EVC2: variants seen among roughly 807,000 people sequenced by gnomAD.
EVC2 encodes EvC ciliary complex subunit 2, also known as limbin.
EVC2 carries 148 observed loss-of-function variants against 149.3 expected under a neutral mutation model. That is an observed-to-expected ratio of 0.99 (90% confidence interval 0.87 to 1.14). EVC2 has a LOEUF of 1.14. EVC2 is among the 50% of genes most tolerant of loss of function. The pLI is 0.00. For missense variants in EVC2, 1,854 were observed against 1,627.3 expected, an observed-to-expected ratio of 1.14 and a Z score of -2.40; for synonymous variants, 776 against 649.9, an observed-to-expected ratio of 1.19 and a Z score of -2.95.
chr4:5,591,874 T>A lies in EVC2; in HGVS notation c.2830-7024A>T, dbSNP rs535133871. On this transcript the variant is annotated intron_variant, in intron 16 of 21. Transcript: ENST00000344408. ...ATACAAATTCATTTGCAAAATGATA[T>A]GCTGCTAAATACTCTTTAAACGAGA... 2.6e-4 allele frequency among the ~76,000 whole-genome samples: 40 copies of A among 152,356 alleles called. 1 individual carries two copies. Among genetic ancestry groups the A allele is most frequent in the Middle Eastern group, 3.4e-3 (1 of 294 alleles).
intron 10 of EVC2, among the ~76,000 whole-genome samples, chr4:5,635,822 CG>C (rs2108856705): frequency 6.6e-6 from 1 of 152,256 alleles, no homozygotes; most frequent in South Asian, 2.1e-4. Context: ...AGAAAAGCAG[CG>C]GGGAGAGCCT....
At chr4:5,675,579 T>A (rs766353410) in intron 7 of EVC2, among the ~76,000 whole-genome samples, 5 of 152,232 alleles carry the variant, frequency 3.3e-5, no homozygotes, top group Non-Finnish European at 7.3e-5. Flanking sequence ...AACCTTCCCA[T>A]CTGGGTTCAT....
At chr4:5,590,600 T>A (rs1344043753) in intron 16 of EVC2, among the ~76,000 whole-genome samples, 3 of 151,524 alleles carry the variant, frequency 2.0e-5, no homozygotes, top group African/African-American at 7.3e-5. Flanking sequence ...CCAACCAGCA[T>A]TCCTTCCGGA....
chr4:5,584,751 G>C lies in EVC2; in HGVS notation c.2929C>G (p.Arg977Gly). ...TAGGCCGACAGAGTCTCGGTCACCC[G>C]GGACGCCTTCTGGAACTGCAGAGCA... ...LVALQFQKAS[R>G]VTETLSAYTA... Residue 977 changes from arginine (R) to glycine (G), a missense_variant, in exon 17 of 22, where the codon CGG (arginine) becomes GGG (glycine). Arg to Gly is a moderately radical substitution (Grantham distance 125). Coordinates refer to ENST00000344408, the MANE Select transcript of EVC2 (RefSeq NM_147127.5). 1 of 1,614,100 alleles carries C rather than the reference G, an allele frequency of 6.2e-7. No homozygotes were observed. Among genetic ancestry groups the C allele is most frequent in the Non-Finnish European group, 8.5e-7 (1 of 1,180,028 alleles).
chr4:5,591,062 A>T (rs1712751622), intron 16 of EVC2, among the ~76,000 whole-genome samples: 1 of 152,180 alleles, frequency 6.6e-6, no homozygotes, highest in Non-Finnish European at 1.5e-5. Context: ...ACACATGGGG[A>T]TTATGTAAAC....
chr4:5,579,086 T>C lies in EVC2; in HGVS notation c.3058-2632A>G, dbSNP rs182369671. Among the ~76,000 whole-genome samples, 17 of 152,236 alleles carry C rather than the reference T, an allele frequency of 1.1e-4. No individual in the cohort carries two copies. The East Asian group carries it at 2.9e-3, about 26-fold the overall frequency. Reference sequence around the variant, plus strand: ...GAGGGAGTGGTGAAAGGTGGGATTTTTAAATGTAGAGCTGGGGATGGGGCT... The same window carrying C: ...GAGGGAGTGGTGAAAGGTGGGATTTCTAAATGTAGAGCTGGGGATGGGGCT... On this transcript the variant is annotated intron_variant, in intron 17 of 21. Transcript: ENST00000344408.
In EVC2 at chr4:5,622,789, T is replaced by C. The variant is rs768810603; in HGVS notation, c.2249A>G (p.Glu750Gly). 1 of 1,614,058 alleles carries C rather than the reference T, an allele frequency of 6.2e-7. No homozygotes were observed. The highest frequency in any genetic ancestry group is 8.5e-7 in the Non-Finnish European group (1 of 1,180,012). ...TLSLFEKATD[E>G]LRRLQNSAMT... The stretch of plus-strand genomic sequence containing the variant: ...GGCTGAGTTCTGCAGGCGCCGCAGC[T>C]CGTCGGTGGCCTTTTCAAACAGCGA... The change falls in exon 14 of 22, where the codon GAG (glutamate) becomes GGG (glycine). Residue 750 changes from glutamate to glycine, a missense_variant. By Grantham distance (98) the Glu-to-Gly change is moderately conservative. Transcript: ENST00000344408. The surrounding 1 kb of genome is among the most constrained non-coding windows in gnomAD (Gnocchi z 5.8).
intron 1 of EVC2, among the ~76,000 whole-genome samples, chr4:5,705,117 T>C (rs1722053309): frequency 6.6e-6 from 1 of 152,228 alleles, no homozygotes; most frequent in Non-Finnish European, 1.5e-5. Flanking sequence ...TGTTCTTTTC[T>C]ACAAATCTGG....
At chr4:5,610,692 C>T (rs1201543754) in intron 16 of EVC2, among the ~76,000 whole-genome samples, 3 of 152,152 alleles carry the variant, frequency 2.0e-5, no homozygotes, top group African/African-American at 7.2e-5. Flanking sequence ...TGCTCACCTC[C>T]CAGGCTCACC....
chr4:5,622,765 G>T lies in EVC2; in HGVS notation c.2273C>A (p.Ala758Asp). Residue 758 changes from alanine to aspartate, a missense_variant, in exon 14 of 22, where the codon GCC becomes GAC. By Grantham distance (126) the Ala-to-Asp change is moderately radical (BLOSUM62 -2). Transcript: ENST00000344408. The surrounding 1 kb of genome is among the most constrained non-coding windows in gnomAD (Gnocchi z 5.8). ...TDELRRLQNS[A>D]MTQELLKRGV... ...ACGCTTGAGCAGCTCCTGGGTCATGGCTGAGTTCTGCAGGCGCCGCAGCTC... is the reference window on the plus strand; with the variant it reads ...ACGCTTGAGCAGCTCCTGGGTCATGTCTGAGTTCTGCAGGCGCCGCAGCTC... 1 of 1,614,078 alleles carries T rather than the reference G, an allele frequency of 6.2e-7. No individual in the cohort carries two copies. The highest frequency in any genetic ancestry group is 1.3e-5 in the African/African-American group (1 of 74,986).
At position 5,708,559 on chromosome 4, in the gene EVC2, C is replaced by T. The variant is rs1333603320; in HGVS notation, c.-46G>A. On this transcript the variant is annotated 5_prime_UTR_variant, in exon 1 of 22. Transcript: ENST00000344408. ...CTCAAAGCGGCGGGTGCCGCCGAGT[C>T]GCTGGAGCTTCCGGACCCCAGGCCC... 2.3e-6 allele frequency: 3 copies of T among 1,329,492 alleles called. No homozygotes were observed. The highest frequency in any genetic ancestry group is 3.0e-5 in the East Asian group (1 of 32,918). 82.4% of individuals were successfully genotyped at this position (1,329,492 alleles called of 1,614,324 possible).
rs1716684664 is a variant in EVC2 at position 5,633,301 on chromosome 4, C to T, written c.1471-1269G>A. Among the ~76,000 whole-genome samples, 3 of 152,214 alleles carry T rather than the reference C, an allele frequency of 2.0e-5. No homozygotes were observed. In the South Asian group the frequency reaches 6.2e-4, roughly 32 times the overall value. ...GCAGCTCAGCCAAGACCCTGATTGC[C>T]AGCCTGCAACATCCTGAGCATAGGT... On this transcript the variant is annotated intron_variant, in intron 10 of 21. Transcript: ENST00000344408. This position sits in a 1 kb window ranked among gnomAD's most constrained non-coding sequence, Gnocchi z 4.4.
intron 17 of EVC2, among the ~76,000 whole-genome samples, chr4:5,584,312 TA>T (rs916730681): frequency 3.9e-5 from 6 of 152,168 alleles, no homozygotes; most frequent in African/African-American, 1.4e-4. Flanking sequence ...AGGATGCTGC[TA>T]ATAGGAAGAT....
intron 14 of EVC2, among the ~76,000 whole-genome samples, chr4:5,620,973 T>A (rs1230713801): frequency 6.6e-6 from 1 of 152,220 alleles, no homozygotes; most frequent in Non-Finnish European, 1.5e-5. Flanking sequence ...CTGATTTTTA[T>A]GGACTAAGAG....
chr4:5,629,324 A>C (rs1229051842), intron 11 of EVC2, among the ~76,000 whole-genome samples: 1 of 152,172 alleles, frequency 6.6e-6, no homozygotes, highest in African/African-American at 2.4e-5. Flanking sequence ...CAACCTAGGG[A>C]GACAGTACTA....
chr4:5,564,966 T>C (rs1409528800), intron 21 of EVC2, among the ~76,000 whole-genome samples: 1 of 152,210 alleles, frequency 6.6e-6, no homozygotes, highest in Non-Finnish European at 1.5e-5. Context: ...TTGTGAACAG[T>C]AGCTATAAGG....
chr4:5,572,111 T>C (rs1477951834), intron 19 of EVC2, among the ~76,000 whole-genome samples: 2 of 152,208 alleles, frequency 1.3e-5, no homozygotes. Flanking sequence ...TGGAGGACTC[T>C]TATTAATACA....
chr4:5,658,536 G>A (rs921112709), intron 9 of EVC2, among the ~76,000 whole-genome samples: 1 of 152,214 alleles, frequency 6.6e-6, no homozygotes, highest in African/African-American at 2.4e-5. Flanking sequence ...CAGTTTAGAG[G>A]TAATGTTGGT....
chr4:5,708,552 G>T lies in EVC2; in HGVS notation c.-39C>A. 7.3e-7 allele frequency: 1 copy of T among 1,361,000 alleles called. No homozygotes were observed. The allele number at this position is 1,361,000 out of a possible 1,614,324, so 84.3% of individuals were successfully genotyped here. On this transcript the variant is annotated 5_prime_UTR_variant, in exon 1 of 22. Transcript: ENST00000344408. ...CCGCTACCTCAAAGCGGCGGGTGCCGCCGAGTCGCTGGAGCTTCCGGACCC... is the reference window on the plus strand; with the variant it reads ...CCGCTACCTCAAAGCGGCGGGTGCCTCCGAGTCGCTGGAGCTTCCGGACCC...
Sources: gnomAD v4.1 joint callset for allele counts (sites outside exome capture counted in the v4.1 genomes callset) on GRCh38, gnomAD v4.1.1 for gene constraint, Gnocchi (gnomAD v3.1) non-coding constraint, MANE v1.5 for transcripts, NCBI Gene and HGNC (gene_info 2026-07-23, HGNC 2026-07-21) for gene names.